Variants in CXXC5 observed in about 807,000 individuals in gnomAD.
CXXC5 encodes the protein CXXC finger protein 5, also known as CXXC-type zinc finger protein 5.
CXXC5 carries 2 observed loss-of-function variants against 17.6 expected under a neutral mutation model. The ratio of observed to expected loss-of-function variants is 0.11; its 90% CI spans 0.05 to 0.36. The LOEUF (loss-of-function observed/expected upper bound fraction) is 0.36, where lower values mean the gene tolerates loss of function less well. CXXC5 is among the 10% of genes least tolerant of loss of function. The probability of loss-of-function intolerance (pLI) is 1.00; values close to 1 mark genes in which losing one functional copy is unlikely to be tolerated. For synonymous variants in CXXC5, 171 were observed against 193.0 expected, an observed-to-expected ratio of 0.89 and a Z score of 0.94; for missense variants, 343 against 458.3, an observed-to-expected ratio of 0.75 and a Z score of 2.30.
rs75808838 is a variant in CXXC5, at chr5:139,658,012, C to T, written c.-161+9167C>T. ...GCTGTGTGTGCCAGGAGGAGGTGGC[C>T]TGTCCCCTAGGACTAGACCAGCTTC... On this transcript the variant is annotated intron_variant, in intron 1 of 2. Coordinates refer to ENST00000302517, the MANE Select transcript of CXXC5 (RefSeq NM_016463.9). This position sits in a 1 kb window ranked among gnomAD's most constrained non-coding sequence, Gnocchi z 4.1. Among the ~76,000 whole-genome samples, 201 of 152,290 alleles carry T rather than the reference C, an allele frequency of 1.3e-3. 4 individuals carry two copies. In the East Asian group the frequency reaches 0.038, roughly 29 times the overall value.
intron 1 of CXXC5, among the ~76,000 whole-genome samples, chr5:139,676,829 C>G (rs1386644929): frequency 6.6e-6 from 1 of 151,792 alleles, no homozygotes; most frequent in Non-Finnish European, 1.5e-5. Flanking sequence ...GACACTGTCT[C>G]CACTAACCTT....
chr5:139,653,199 G>A (rs983017669), intron 1 of CXXC5, among the ~76,000 whole-genome samples: 3 of 152,196 alleles, frequency 2.0e-5, no homozygotes, highest in South Asian at 2.1e-4. Flanking sequence ...TTTGGAAGCC[G>A]CAGAGGGAGA....
chr5:139,672,282 T>C (rs1230400233), intron 1 of CXXC5, among the ~76,000 whole-genome samples: 3 of 152,194 alleles, frequency 2.0e-5, no homozygotes, highest in Non-Finnish European at 4.4e-5. Flanking sequence ...CACGCTCGGC[T>C]AATTTTTGTA....
At chr5:139,664,221 G>T (rs1281584969) in intron 1 of CXXC5, among the ~76,000 whole-genome samples, 1 of 152,196 alleles carries the variant, frequency 6.6e-6, no homozygotes, top group Non-Finnish European at 1.5e-5. Flanking sequence ...CCCCTGAGGA[G>T]CAGATGGATG....
chr5:139,680,416 AG>A lies in CXXC5; in HGVS notation c.-106del. ...GACCATGTGCCTGCCCTGAGCAGCG[AG>A]GCCCACCAGGCATCTCTGTTGTGGG... On this transcript the variant is annotated 5_prime_UTR_variant, in exon 2 of 3. Transcript: ENST00000302517. The A allele has an allele frequency of 7.0e-7, 1 of 1,422,222 alleles. No individual in the cohort carries two copies. The highest frequency in any genetic ancestry group is 2.5e-5 in the East Asian group (1 of 40,132). 88.1% of individuals were successfully genotyped at this position (1,422,222 alleles called of 1,614,324 possible).
intron 1 of CXXC5, among the ~76,000 whole-genome samples, chr5:139,671,720 C>T (rs1756482260): frequency 6.6e-6 from 1 of 152,274 alleles, no homozygotes; most frequent in Non-Finnish European, 1.5e-5. Flanking sequence ...CAGCTGCAGA[C>T]TTCTCTGCAA....
At chr5:139,654,597 C>T (rs550310867) in intron 1 of CXXC5, among the ~76,000 whole-genome samples, 31 of 152,336 alleles carry the variant, frequency 2.0e-4, no homozygotes, top group African/African-American at 7.0e-4. Flanking sequence ...ACACCTCGCA[C>T]TTCTGTCTCC....
At chr5:139,678,864 C>T (rs1475889994) in intron 1 of CXXC5, among the ~76,000 whole-genome samples, 1 of 152,234 alleles carries the variant, frequency 6.6e-6, no homozygotes, top group Non-Finnish European at 1.5e-5. Context: ...CCTCCCACCC[C>T]TCTCTTGGGG....
At chr5:139,679,479 G>A (rs1197192801) in intron 1 of CXXC5, among the ~76,000 whole-genome samples, 2 of 152,130 alleles carry the variant, frequency 1.3e-5, no homozygotes, top group Admixed American at 1.3e-4. Context: ...TTGGCAAACT[G>A]GGTTACACAA....
At position 139,680,607 on chromosome 5, in the gene CXXC5, T is replaced by C; in HGVS notation, c.84T>C (p.Ser28=). The C allele has an allele frequency of 6.2e-7, 1 of 1,609,648 alleles. No homozygotes were observed. Among genetic ancestry groups the C allele is most frequent in the Non-Finnish European group, 8.5e-7 (1 of 1,178,706 alleles). The change falls in exon 2 of 3, where the codon AGT becomes AGC. Residue 28 remains serine (S), a synonymous_variant. Coordinates refer to ENST00000302517, the MANE Select transcript of CXXC5 (RefSeq NM_016463.9). The part of the protein sequence containing the change: ...STNGSGGSGS[S]GPKAGAADKS... Reference sequence around the variant, plus strand: ...ATGGCAGCGGTGGCAGTGGCAGCAGTGGCCCAAAGGCAGGAGCAGCAGACA... The same window carrying C: ...ATGGCAGCGGTGGCAGTGGCAGCAGCGGCCCAAAGGCAGGAGCAGCAGACA...
intron 1 of CXXC5, among the ~76,000 whole-genome samples, chr5:139,652,928 G>A (rs1249030957): frequency 6.6e-6 from 1 of 152,158 alleles, no homozygotes; most frequent in African/African-American, 2.4e-5. Context: ...GAATGTGGGA[G>A]TGGGCCTGTC....
rs777792508 is a variant in CXXC5 at position 139,681,082 on chromosome 5, G to T, written c.559G>T (p.Gly187Cys). 3 of 1,612,726 alleles carry T rather than the reference G, an allele frequency of 1.9e-6. No individual in the cohort carries two copies. The highest frequency in any genetic ancestry group is 2.5e-6 in the Non-Finnish European group (3 of 1,179,990). ...QEHLPLMSEA[G>C]AGLPDMEAVA... ...GCATCTCCCGCTGATGAGCGAGGCGGGTGCTGGCCTGCCTGACATGGAGGC... is the reference window on the plus strand; with the variant it reads ...GCATCTCCCGCTGATGAGCGAGGCGTGTGCTGGCCTGCCTGACATGGAGGC... The change falls in exon 2 of 3, where the codon GGT becomes TGT. Residue 187 changes from glycine (G) to cysteine (C), a missense_variant. Physicochemically the swap from Gly to Cys is radical, Grantham distance 159 (BLOSUM62 -3). Coordinates refer to ENST00000302517, the MANE Select transcript of CXXC5 (RefSeq NM_016463.9).
rs373964697 is a variant in CXXC5, at chr5:139,682,324, ACCCCAGCCCCAG to A, written c.925-517_925-506del. Among the ~76,000 whole-genome samples the A allele has an allele frequency of 1.7e-3, 213 of 125,598 alleles. 1 individual carries two copies. Among genetic ancestry groups the A allele is most frequent in the East Asian group, 8.9e-3 (43 of 4,844 alleles). 82.4% of individuals were successfully genotyped at this position (125,598 alleles called of 152,430 possible). A position where few individuals can be genotyped will look rare whatever the true frequency, so the allele number is the denominator to read the frequency against. On this transcript the variant is annotated intron_variant, in intron 2 of 2. Transcript: ENST00000302517. ...ATGGCCTCCTGGTTACCCTCCCCCA[ACCCCAGCCCCAG>A]CCCCAGCCCCAGCCCCAGCCCTTCC...
At chr5:139,671,175 G>A (rs1002178968) in intron 1 of CXXC5, among the ~76,000 whole-genome samples, 6 of 152,234 alleles carry the variant, frequency 3.9e-5, no homozygotes, top group African/African-American at 1.2e-4. Context: ...GCCCAAGAGC[G>A]CCAGGATGGC....
rs1329530980 is a variant in CXXC5 at position 139,648,822 on chromosome 5, C to CGGCTTGGACGA, written c.-183_-173dup. The CGGCTTGGACGA allele has an allele frequency of 7.2e-5, 11 of 152,732 alleles. No individual in the cohort carries two copies. Among genetic ancestry groups the CGGCTTGGACGA allele is most frequent in the Admixed American group, 3.9e-4 (6 of 15,290 alleles). 9.5% of individuals were successfully genotyped at this position (152,732 alleles called of 1,614,324 possible). ...GGCCTCGCGGCGACGGCGGCGGTGG[C>CGGCTTGGACGA]GGCTTGGACGACTCGGAGAGCCGGT... is the stretch of plus-strand genomic sequence containing the variant. On this transcript the variant is annotated 5_prime_UTR_variant, in exon 1 of 3. Coordinates refer to ENST00000302517, the MANE Select transcript of CXXC5 (RefSeq NM_016463.9).
chr5:139,657,558 G>T (rs942346296), intron 1 of CXXC5, among the ~76,000 whole-genome samples: 3 of 152,216 alleles, frequency 2.0e-5, no homozygotes, highest in African/African-American at 7.2e-5. Flanking sequence ...AGGCTGGCAG[G>T]TGGAGACCTA....
At chr5:139,649,611 C>T (rs1176520049) in intron 1 of CXXC5, 4 of 152,152 alleles carry the variant, frequency 2.6e-5, no homozygotes, top group African/African-American at 9.7e-5. Flanking sequence ...GTATCTCCCC[C>T]ACCACCACGG....
intron 1 of CXXC5, among the ~76,000 whole-genome samples, chr5:139,654,418 G>C (rs954307727): frequency 1.3e-5 from 2 of 152,184 alleles, no homozygotes; most frequent in East Asian, 1.9e-4. Flanking sequence ...GAAATTGGAC[G>C]GTAAGAGAAT....
rs567366012 is a variant in CXXC5 at position 139,668,678 on chromosome 5, G to T, written c.-160-11686G>T. Among the ~76,000 whole-genome samples the T allele has an allele frequency of 1.1e-3, 162 of 152,310 alleles. No homozygotes were observed. The highest frequency in any genetic ancestry group is 1.9e-3 in the South Asian group (9 of 4,818). ...CAGGTCTGAGTAGGCTCTGGGCCATGCCGGGGTACCTGGCTTGGAGGCTCT... is the reference window on the plus strand; with the variant it reads ...CAGGTCTGAGTAGGCTCTGGGCCATTCCGGGGTACCTGGCTTGGAGGCTCT... On this transcript the variant is annotated intron_variant, in intron 1 of 2. Coordinates refer to ENST00000302517, the MANE Select transcript of CXXC5 (RefSeq NM_016463.9). This position sits in a 1 kb window ranked among gnomAD's most constrained non-coding sequence, Gnocchi z 4.1.
Sources: allele counts gnomAD v4.1 joint callset (sites outside exome capture counted in the v4.1 genomes callset), GRCh38; gene constraint gnomAD v4.1.1; non-coding constraint Gnocchi (gnomAD v3.1); transcripts MANE v1.5; gene names NCBI Gene and HGNC (gene_info 2026-07-23, HGNC 2026-07-21).